The following MYCBP2 variants were observed in gnomAD, a reference collection of about 807,000 sequenced individuals.
The protein encoded by MYCBP2 is E3 ubiquitin-protein ligase MYCBP2.
A neutral mutation model predicts 525.3 loss-of-function variants in MYCBP2; 120 were observed. That is an observed-to-expected ratio of 0.23 (90% CI 0.20 to 0.27). The LOEUF is 0.27. MYCBP2 is among the 10% of genes least tolerant of loss of function. The pLI is 1.00. For synonymous variants in MYCBP2, 1,894 were observed against 1,955.8 expected (o/e 0.97, Z 0.83); for missense variants, 4,149 against 5,657.1 (o/e 0.73, Z 8.55).
chr13:77,280,740 G>A (rs973641350), intron 3 of MYCBP2, among the ~76,000 whole-genome samples: 7 of 152,156 alleles, frequency 4.6e-5, no homozygotes, highest in African/African-American at 1.4e-4. Context: ...ACTCAGGTGG[G>A]CTGCCTAGAA....
chr13:77,117,705 G>A (rs2050022056), intron 55 of MYCBP2, among the ~76,000 whole-genome samples: 1 of 152,036 alleles, frequency 6.6e-6, no homozygotes, highest in African/African-American at 2.4e-5. Flanking sequence ...TTGTCATACT[G>A]GACAGAGCTT....
intron 29 of MYCBP2, among the ~76,000 whole-genome samples, chr13:77,189,692 G>A (rs2061108258): frequency 6.6e-6 from 1 of 152,002 alleles, no homozygotes; most frequent in Admixed American, 6.5e-5. Flanking sequence ...GTAAACACAG[G>A]CATATGCCTT....
In MYCBP2 at chr13:77,211,340, T is replaced by A; in HGVS notation, c.3263-20A>T. 8.2e-7 allele frequency: 1 copy of A among 1,212,570 alleles called. No homozygotes were observed. Among genetic ancestry groups the A allele is most frequent in the Non-Finnish European group, 1.1e-6 (1 of 948,012 alleles). The allele number at this position is 1,212,570 out of a possible 1,614,324, so 75.1% of individuals were successfully genotyped here. On this transcript the variant is annotated intron_variant, in intron 22 of 82. Transcript: ENST00000544440. ...CCAAGCCTTAAGAAAAAAATATTTA[T>A]ATATAATTTTAATATATATTACCCT...
intron 17 of MYCBP2, among the ~76,000 whole-genome samples, chr13:77,239,496 T>TG (rs2154311146): frequency 6.6e-6 from 1 of 152,302 alleles, no homozygotes; most frequent in Non-Finnish European, 1.5e-5. Context: ...CCAAGACCCT[T>TG]GACCCATAAA....
rs566572729 is a variant in MYCBP2 at position 77,273,681 on chromosome 13, T to C, written c.749-13A>G. 170 of 1,469,772 alleles carry C rather than the reference T, an allele frequency of 1.2e-4. 1 individual carries two copies. In the Admixed American group the frequency reaches 1.2e-3, roughly 11 times the overall value. The allele number at this position is 1,469,772 out of a possible 1,614,324, so 91.0% of individuals were successfully genotyped here. A position where few individuals can be genotyped will look rare whatever the true frequency, so the allele number is the denominator to read the frequency against. Reference sequence around the variant, plus strand: ...TGGAAGAGAGACTCTGTGGATAAAATAGAATTCAATTATATTCATCCAACA... The same window carrying C: ...TGGAAGAGAGACTCTGTGGATAAAACAGAATTCAATTATATTCATCCAACA... On this transcript the variant is annotated splice_polypyrimidine_tract_variant and intron_variant, in intron 4 of 82. Transcript: ENST00000544440.
rs747640516 is a variant in MYCBP2 at position 77,267,872 on chromosome 13, T to C, written c.1326A>G (p.Thr442=). 8.1e-6 allele frequency: 13 copies of C among 1,613,800 alleles called. No homozygotes were observed. The East Asian group carries it at 2.0e-4, about 25-fold the overall frequency. The stretch of plus-strand genomic sequence containing the variant: ...ACATCACAGTACCATCTTGCTCCAG[T>C]GTTTCAGGGCTTATCCTTATGGCTG... ...SMTAIRISPE[T]LEQDGTVMLP... The change falls in exon 8 of 83, where the codon ACA becomes ACG. Residue 442 remains threonine, a synonymous_variant. Transcript: ENST00000544440.
intron 29 of MYCBP2, 105 bp from the exon 30 acceptor site, chr13:77,189,152 T>C: frequency 1.3e-6 from 1 of 756,460 alleles, no homozygotes; most frequent in Non-Finnish European, 1.9e-6. Flanking sequence ...ATTATATATT[T>C]AAATTTTTTT....
intron 37 of MYCBP2, among the ~76,000 whole-genome samples, chr13:77,172,174 T>C (rs2059205960): frequency 6.6e-6 from 1 of 151,792 alleles, no homozygotes; most frequent in Admixed American, 6.6e-5. Context: ...GCTGGGATTA[T>C]AGGAGTGAGC....
intron 55 of MYCBP2, among the ~76,000 whole-genome samples, chr13:77,101,986 C>T (rs1177168099): frequency 6.6e-6 from 1 of 151,874 alleles, no homozygotes; most frequent in African/African-American, 2.4e-5. Flanking sequence ...TGTACTTTTA[C>T]ATTTAAATGA....
At chr13:77,122,612 C>T (rs371554123) in intron 54 of MYCBP2, among the ~76,000 whole-genome samples, 1 of 150,662 alleles carries the variant, frequency 6.6e-6, no homozygotes, top group Non-Finnish European at 1.5e-5. Flanking sequence ...ATGGCATGAA[C>T]CTGGGAGGCG....
intron 55 of MYCBP2, among the ~76,000 whole-genome samples, chr13:77,113,111 G>C (rs866409193): frequency 6.6e-6 from 1 of 152,104 alleles, no homozygotes; most frequent in Admixed American, 6.6e-5. Context: ...GTGATTCATT[G>C]GATCTCTGTA....
intron 52 of MYCBP2, chr13:77,129,072 A>T (rs2052252998): frequency 2.5e-6 from 1 of 395,172 alleles, no homozygotes; most frequent in Non-Finnish European, 4.5e-6. Context: ...TATTAATCTT[A>T]AGCAAAGGTT....
Position 77,166,312 on chromosome 13 carries a change from AG to A in MYCBP2, c.6340+16del. 1 of 1,502,072 alleles carries A rather than the reference AG, an allele frequency of 6.7e-7. No homozygotes were observed. The highest frequency in any genetic ancestry group is 9.1e-7 in the Non-Finnish European group (1 of 1,098,034). The allele number at this position is 1,502,072 out of a possible 1,614,324, so 93.0% of individuals were successfully genotyped here. A position where few individuals can be genotyped will look rare whatever the true frequency, so the allele number is the denominator to read the frequency against. On this transcript the variant is annotated intron_variant, in intron 41 of 82. Coordinates refer to ENST00000544440, the MANE Select transcript of MYCBP2 (RefSeq NM_015057.5). ...CACTTATTTTACCACATAAAACAGAAGAAAAAAAAAACTTACCTGGCAACAC... is the reference window on the plus strand; with the variant it reads ...CACTTATTTTACCACATAAAACAGAAAAAAAAAAAACTTACCTGGCAACAC...
intron 52 of MYCBP2, among the ~76,000 whole-genome samples, chr13:77,128,669 A>G (rs929652490): frequency 1.3e-5 from 2 of 151,974 alleles, no homozygotes; most frequent in African/African-American, 4.8e-5. Flanking sequence ...AACTGTGCCT[A>G]TCATGCTCAA....
At position 77,326,147 on chromosome 13, in the gene MYCBP2, A is replaced by G; in HGVS notation, c.302+327T>C. Among the ~76,000 whole-genome samples the G allele has an allele frequency of 6.6e-6, 1 of 151,806 alleles. No homozygotes were observed. The highest frequency in any genetic ancestry group is 1.9e-4 in the East Asian group (1 of 5,170). The stretch of plus-strand genomic sequence containing the variant: ...CCATGCCACCTCCTACCTCAACGAT[A>G]CACACACGTGTCACAGCCGACCAGC... On this transcript the variant is annotated intron_variant, in intron 1 of 82. Coordinates refer to ENST00000544440, the MANE Select transcript of MYCBP2 (RefSeq NM_015057.5). The surrounding 1 kb of genome is among the most constrained non-coding windows in gnomAD (Gnocchi z 4.2).
chr13:77,205,798 C>T (rs909142226), intron 24 of MYCBP2, among the ~76,000 whole-genome samples, 200 bp from the exon 25 acceptor site: 1 of 152,092 alleles, frequency 6.6e-6, no homozygotes, highest in Non-Finnish European at 1.5e-5. Context: ...TTTAAACTTG[C>T]CATACGACAA....
chr13:77,160,240 G>C (rs917515682), intron 44 of MYCBP2, among the ~76,000 whole-genome samples: 1 of 152,002 alleles, frequency 6.6e-6, no homozygotes, highest in African/African-American at 2.4e-5. Flanking sequence ...CTAATGAGAC[G>C]GGGTTTCTTT....
intron 17 of MYCBP2, among the ~76,000 whole-genome samples, chr13:77,237,972 G>A (rs904196553): frequency 7.2e-5 from 11 of 152,140 alleles, no homozygotes; most frequent in East Asian, 5.8e-4. Context: ...TGCCGGACGC[G>A]GTGGCTCACG....
intron 17 of MYCBP2, among the ~76,000 whole-genome samples, chr13:77,235,480 G>C (rs546654127): frequency 2.6e-4 from 39 of 152,040 alleles, no homozygotes; most frequent in Non-Finnish European, 5.2e-4. Context: ...ATATGTGATG[G>C]AGCAAAAGTC....
Sources: allele counts gnomAD v4.1 joint callset (sites outside exome capture counted in the v4.1 genomes callset), GRCh38; gene constraint gnomAD v4.1.1; non-coding constraint Gnocchi (gnomAD v3.1); transcripts MANE v1.5; gene names NCBI Gene and HGNC (gene_info 2026-07-23, HGNC 2026-07-21).